CD80: variants seen among roughly 807,000 people sequenced by gnomAD.
CD80 encodes T-lymphocyte activation antigen CD80.
A neutral mutation model predicts 27.1 loss-of-function variants in CD80; 13 were observed. The ratio of observed to expected loss-of-function variants is 0.48; its 90% CI spans 0.31 to 0.76. The LOEUF (loss-of-function observed/expected upper bound fraction) is 0.76. Ranked by LOEUF, CD80 falls within the 30% of genes least tolerant of loss-of-function variation. The pLI, the probability that CD80 is intolerant of heterozygous loss-of-function variation, is 0.04. For synonymous variants in CD80, 125 were observed against 125.5 expected (o/e 1.00, Z 0.03); for missense variants, 277 against 347.9 (o/e 0.80, Z 1.62).
chr3:119,549,037 A>AAAAT (rs112914312), intron 2 of CD80, among the ~76,000 whole-genome samples: 4,447 of 151,710 alleles, frequency 0.029, 130 homozygotes, highest in African/African-American at 0.075. Context: ...ACTCCGTCTC[A>AAAAT]AAATAAATAA....
At chr3:119,548,413 C>T (rs999170449) in intron 2 of CD80, among the ~76,000 whole-genome samples, 1 of 152,116 alleles carries the variant, frequency 6.6e-6, no homozygotes, top group East Asian at 1.9e-4. Flanking sequence ...TCCACTGGTC[C>T]CCTGAGAAGA....
Position 119,548,130 on chromosome 3 carries a change from G to A in CD80, c.101-3263C>T, listed in dbSNP as rs1480832500. Among the ~76,000 whole-genome samples, 8 of 152,018 alleles carry A rather than the reference G, an allele frequency of 5.3e-5. No individual in the cohort carries two copies. The East Asian group carries it at 1.2e-3, about 22-fold the overall frequency. ...TGAGTAGCTGGGATTACAGGCGCCC[G>A]CCATCATGCCCAGCTAATTTTTGTA... On this transcript the variant is annotated intron_variant, in intron 2 of 6. Transcript: ENST00000264246.
intron 2 of CD80, among the ~76,000 whole-genome samples, chr3:119,549,188 G>A (rs2082217440): frequency 6.6e-6 from 1 of 151,490 alleles, no homozygotes; most frequent in Non-Finnish European, 1.5e-5. Context: ...CCTATATCCT[G>A]CCTTTATCTC....
intron 4 of CD80, among the ~76,000 whole-genome samples, chr3:119,531,469 CAGT>C (rs1459158528): frequency 1.3e-5 from 2 of 152,122 alleles, no homozygotes; most frequent in Non-Finnish European, 2.9e-5. Flanking sequence ...GTAGGATTTG[CAGT>C]AGATCTCTTC....
chr3:119,530,201 AAGGAAATCTTTT>A (rs1445307369), intron 4 of CD80, among the ~76,000 whole-genome samples: 11 of 152,220 alleles, frequency 7.2e-5, no homozygotes, highest in Admixed American at 5.9e-4. Flanking sequence ...GGAAGATTCT[AAGGAAATCTTTT>A]ACAAGCCATC....
At chr3:119,542,183 G>T (rs375081277) in intron 3 of CD80, among the ~76,000 whole-genome samples, 1 of 151,000 alleles carries the variant, frequency 6.6e-6, no homozygotes, top group Non-Finnish European at 1.5e-5. Flanking sequence ...GGTGAAAATC[G>T]TGGAAGAGGT....
At chr3:119,543,164 C>T (rs116441735) in intron 3 of CD80, among the ~76,000 whole-genome samples, 43 of 152,342 alleles carry the variant, frequency 2.8e-4, no homozygotes, top group African/African-American at 1.0e-3. Flanking sequence ...CGGTCTCCCG[C>T]ACAGCCAGTT....
intron 4 of CD80, among the ~76,000 whole-genome samples, chr3:119,535,516 A>C (rs1201074578): frequency 6.6e-6 from 1 of 152,164 alleles, no homozygotes; most frequent in African/African-American, 2.4e-5. Flanking sequence ...ATCTCAGTTC[A>C]CCTTGTAAGC....
intron 4 of CD80, among the ~76,000 whole-genome samples, chr3:119,531,293 C>G (rs1047575405): frequency 2.0e-5 from 3 of 152,270 alleles, no homozygotes; most frequent in Admixed American, 6.5e-5. Flanking sequence ...ACATCTGGAA[C>G]ATTTCTCAGC....
chr3:119,529,652 G>A (rs565387442), intron 5 of CD80, among the ~76,000 whole-genome samples, 190 bp downstream of exon 5: 79 of 152,280 alleles, frequency 5.2e-4, no homozygotes, highest in South Asian at 1.7e-3. Context: ...ACACACGTAG[G>A]AGGTGTCCGG....
intron 4 of CD80, among the ~76,000 whole-genome samples, chr3:119,530,860 A>G (rs1400058035): frequency 2.6e-5 from 4 of 152,246 alleles, no homozygotes; most frequent in African/African-American, 9.6e-5. Flanking sequence ...AAAACATAAA[A>G]GAAATGTTCC....
In CD80 at chr3:119,528,398, A is replaced by G. The variant is rs575851427; in HGVS notation, c.797-557T>C. Among the ~76,000 whole-genome samples the G allele has an allele frequency of 7.2e-5, 11 of 152,326 alleles. No homozygotes were observed. The East Asian group carries it at 2.1e-3, about 29-fold the overall frequency. ...AGTGTACATGATTTCTACTCAAAGA[A>G]GGGTTGGTACCCCTTCATAGTGATT... is the stretch of plus-strand genomic sequence containing the variant. On this transcript the variant is annotated intron_variant, in intron 5 of 6. Coordinates refer to ENST00000264246, the MANE Select transcript of CD80 (RefSeq NM_005191.4).
At chr3:119,544,947 T>A in intron 2 of CD80, 80 bp from the exon 3 acceptor site, 1 of 1,142,316 alleles carries the variant, frequency 8.8e-7, no homozygotes, top group Non-Finnish European at 1.3e-6. Flanking sequence ...AAGTCGGCAG[T>A]AACAGAACTT....
chr3:119,527,711 C>A, intron 6 of CD80, 22 bp downstream of exon 6: 1 of 1,404,892 alleles, frequency 7.1e-7, no homozygotes, highest in South Asian at 1.2e-5. Context: ...CCATGTATCC[C>A]AGAAGAGATG....
intron 2 of CD80, among the ~76,000 whole-genome samples, chr3:119,556,617 A>G (rs1174047921): frequency 6.6e-6 from 1 of 152,210 alleles, no homozygotes; most frequent in African/African-American, 2.4e-5. Context: ...AATGACCACC[A>G]TCGCAGTCAA....
At chr3:119,551,468 A>T (rs887943136) in intron 2 of CD80, among the ~76,000 whole-genome samples, 12 of 152,096 alleles carry the variant, frequency 7.9e-5, no homozygotes, top group Non-Finnish European at 1.2e-4. Context: ...TGGCTTCCTT[A>T]TAAAGGATGG....
chr3:119,535,322 C>A (rs1577108234), intron 4 of CD80, among the ~76,000 whole-genome samples: 1 of 152,094 alleles, frequency 6.6e-6, no homozygotes, highest in Non-Finnish European at 1.5e-5. Flanking sequence ...AGAATTAAGA[C>A]ATGCCATATA....
chr3:119,526,839 T>G (rs2082070105), intron 6 of CD80, among the ~76,000 whole-genome samples: 1 of 152,226 alleles, frequency 6.6e-6, no homozygotes. Context: ...ATTCCTATAC[T>G]GGTGTTACTC....
intron 3 of CD80, among the ~76,000 whole-genome samples, chr3:119,538,300 T>C (rs1406910556): frequency 6.6e-6 from 1 of 152,194 alleles, no homozygotes; most frequent in South Asian, 2.1e-4. Context: ...TTCCTTTCCC[T>C]TTCTTCTCTT....
Sources: gnomAD v4.1 joint callset for allele counts (sites outside exome capture counted in the v4.1 genomes callset) on GRCh38, gnomAD v4.1.1 for gene constraint, MANE v1.5 for transcripts, NCBI Gene and HGNC (gene_info 2026-07-23, HGNC 2026-07-21) for gene names.